LTF: variants seen among roughly 807,000 people sequenced by gnomAD.
The protein encoded by LTF is lactotransferrin.
LTF carries 91 observed loss-of-function variants against 87.2 expected under a neutral mutation model. The ratio of observed to expected loss-of-function variants is 1.04; its 90% CI spans 0.88 to 1.24. The LOEUF (loss-of-function observed/expected upper bound fraction) is 1.24. Among genes scored for constraint, LTF ranks in the 50% most tolerant of loss-of-function variants. The pLI, the probability that LTF is intolerant of heterozygous loss-of-function variation, is 0.00. For missense variants in LTF, 901 were observed against 904.3 expected (o/e 1.00, Z 0.05); for synonymous variants, 378 against 356.1 (o/e 1.06, Z -0.69).
At chr3:46,445,468 T>C in intron 11 of LTF, 32 bp from the exon 12 acceptor site, 1 of 1,589,132 alleles carries the variant, frequency 6.3e-7, no homozygotes. Flanking sequence ...AAACAAGTCT[T>C]AACCTCCAGG....
chr3:46,438,949 G>T (rs985333470), intron 15 of LTF, among the ~76,000 whole-genome samples: 1 of 152,070 alleles, frequency 6.6e-6, no homozygotes, highest in Non-Finnish European at 1.5e-5. Flanking sequence ...TGAGTAAAAA[G>T]CACTATACTA....
chr3:46,478,194 G>A (rs1055104627), intron 1 of LTF, among the ~76,000 whole-genome samples: 4 of 151,652 alleles, frequency 2.6e-5, no homozygotes, highest in East Asian at 1.9e-4. Flanking sequence ...CCCTCTTCCC[G>A]CCCCACTGCC....
Position 46,456,367 on chromosome 3 carries a change from C to G in LTF, c.239G>C (p.Gly80Ala), listed in dbSNP as rs757555676. 16 of 1,614,204 alleles carry G rather than the reference C, an allele frequency of 9.9e-6. No homozygotes were observed. The highest frequency in any genetic ancestry group is 1.4e-5 in the Non-Finnish European group (16 of 1,180,022). ...ENRADAVTLDGGFIYEAGLAP... is the reference protein window; with the variant it reads ...ENRADAVTLDAGFIYEAGLAP... Reference sequence around the variant, plus strand: ...CAGGCCTGCCTCGTATATGAAACCACCATCAAGGGTCACAGCATCGGCCCT... The same window carrying G: ...CAGGCCTGCCTCGTATATGAAACCAGCATCAAGGGTCACAGCATCGGCCCT... Residue 80 changes from glycine to alanine, a missense_variant, in exon 3 of 17, where the codon GGT becomes GCT. Transcript: ENST00000231751.
chr3:46,464,846 G>C lies in LTF; in HGVS notation c.22C>G (p.Leu8Val). ...TCACCGAGGGCCCCGAGGAACAGCA[G>C]GACGAGGAAGACAAGTTTCATGTCT... The part of the protein sequence containing the change: MKLVFLV[L>V]LFLGALGLCL... The change falls in exon 1 of 17, where the codon CTG becomes GTG. Residue 8 changes from leucine (L) to valine (V), a missense_variant. Transcript: ENST00000231751. 6.2e-7 allele frequency: 1 copy of C among 1,613,924 alleles called. No homozygotes were observed. The highest frequency in any genetic ancestry group is 8.5e-7 in the Non-Finnish European group (1 of 1,179,978).
At chr3:46,464,319 G>A (rs945503547) in intron 1 of LTF, among the ~76,000 whole-genome samples, 1 of 152,124 alleles carries the variant, frequency 6.6e-6, no homozygotes, top group African/African-American at 2.4e-5. Flanking sequence ...CACGGAAGGT[G>A]TGCGAATGCC....
intron 6 of LTF, 102 bp downstream of exon 6, chr3:46,454,203 T>C (rs1326724634): frequency 4.1e-6 from 4 of 981,974 alleles, no homozygotes; most frequent in African/African-American, 3.2e-5. Flanking sequence ...ATCTTGAAAA[T>C]GGTCTGCCAT....
intron 1 of LTF, among the ~76,000 whole-genome samples, chr3:46,482,802 G>GGAAAGAAAGAAA (rs34589936): frequency 1.1e-4 from 15 of 131,210 alleles, no homozygotes; most frequent in African/African-American, 4.4e-4. Context: ...AAAGAAGGAA[G>GGAAAGAAAGAAA]GAAAGAAAGA....
intron 13 of LTF, among the ~76,000 whole-genome samples, chr3:46,443,240 G>C (rs866738118): frequency 3.9e-5 from 6 of 152,368 alleles, no homozygotes; most frequent in Non-Finnish European, 5.9e-5. Flanking sequence ...GCTGAGGTCA[G>C]ACAGCCCTGG....
At chr3:46,471,623 C>G (rs1275584101) in intron 1 of LTF, among the ~76,000 whole-genome samples, 2 of 152,186 alleles carry the variant, frequency 1.3e-5, no homozygotes, top group Admixed American at 1.3e-4. Context: ...TAAAGGTACA[C>G]GGAGAAAGGA....
intron 14 of LTF, among the ~76,000 whole-genome samples, chr3:46,439,836 G>A (rs1286858251): frequency 6.6e-6 from 1 of 152,074 alleles, no homozygotes. Context: ...CAGCCCTTTG[G>A]AGGCCAAGGT....
intron 14 of LTF, among the ~76,000 whole-genome samples, chr3:46,440,854 G>A (rs148555097): frequency 1.5e-3 from 229 of 152,320 alleles, no homozygotes; most frequent in African/African-American, 5.5e-3. Context: ...AAATGGCTGA[G>A]GACCAGGAGA....
chr3:46,454,133 G>C (rs1702866611), intron 6 of LTF, 172 bp downstream of exon 6: 2 of 671,950 alleles, frequency 3.0e-6, no homozygotes, highest in Non-Finnish European at 5.3e-6. Context: ...CAGGAGGTTT[G>C]AAGAAAACTG....
At chr3:46,475,836 T>TG (rs2106923405) in intron 1 of LTF, among the ~76,000 whole-genome samples, 1 of 152,350 alleles carries the variant, frequency 6.6e-6, no homozygotes, top group South Asian at 2.1e-4. Context: ...CTTATGCCTC[T>TG]GCTCAACCCC....
At chr3:46,472,927 G>A (rs1460999743) in intron 1 of LTF, among the ~76,000 whole-genome samples, 3 of 152,084 alleles carry the variant, frequency 2.0e-5, no homozygotes, top group Non-Finnish European at 4.4e-5. Flanking sequence ...ATCTGGCAAG[G>A]CGGGGGCCAG....
chr3:46,482,339 G>A (rs1477300266), intron 1 of LTF, among the ~76,000 whole-genome samples: 1 of 151,630 alleles, frequency 6.6e-6, no homozygotes, highest in Non-Finnish European at 1.5e-5. Flanking sequence ...GCTTGGTGGC[G>A]AGCACCTGTA....
rs1008461786 is a variant in LTF at position 46,445,282 on chromosome 3, A to T, written c.1512T>A (p.Phe504Leu). The T allele has an allele frequency of 1.9e-6, 3 of 1,606,770 alleles. No individual in the cohort carries two copies. Among genetic ancestry groups the T allele is most frequent in the East Asian group, 4.5e-5 (2 of 44,432 alleles). The change falls in exon 12 of 17, where the codon TTT becomes TTA. Residue 504 changes from phenylalanine (F) to leucine (L), a missense_variant and splice_region_variant. Phe to Leu is a conservative substitution (Grantham distance 22). Transcript: ENST00000231751. ...LLFNQTGSCK[F>L]DEYFSQSCAP... Reference sequence around the variant, plus strand: ...CACCGCACCTTTGGAACTCCTTACCAAATTTGCAGGAGCCCGTCTGGTTGA... The same window carrying T: ...CACCGCACCTTTGGAACTCCTTACCTAATTTGCAGGAGCCCGTCTGGTTGA...
chr3:46,458,864 G>T (rs112283880), intron 2 of LTF, among the ~76,000 whole-genome samples: 3 of 152,140 alleles, frequency 2.0e-5, no homozygotes, highest in Admixed American at 6.5e-5. Flanking sequence ...GTGAGCCACC[G>T]CGCCCAGCCA....
chr3:46,482,338 C>T (rs886194741), intron 1 of LTF, among the ~76,000 whole-genome samples: 3 of 151,596 alleles, frequency 2.0e-5, no homozygotes, highest in Non-Finnish European at 2.9e-5. Context: ...GGCTTGGTGG[C>T]GAGCACCTGT....
rs564177995 is a variant in LTF, at chr3:46,436,072, C to T, written c.*123G>A. The stretch of plus-strand genomic sequence containing the variant: ...TAAGACGACAGCAGGGAATTGTAAG[C>T]AGATGGATGGGCAATCCCCACCTTC... On this transcript the variant is annotated 3_prime_UTR_variant, in exon 17 of 17. Coordinates refer to ENST00000231751, the MANE Select transcript of LTF (RefSeq NM_002343.6). 2.6e-5 allele frequency: 23 copies of T among 870,028 alleles called. 1 individual carries two copies. The South Asian group carries it at 2.8e-4, about 11-fold the overall frequency. The allele number at this position is 870,028 out of a possible 1,614,324, so 53.9% of individuals were successfully genotyped here. A position where few individuals can be genotyped will look rare whatever the true frequency, so the allele number is the denominator to read the frequency against.
Sources: gnomAD v4.1 joint callset for allele counts (sites outside exome capture counted in the v4.1 genomes callset) on GRCh38, gnomAD v4.1.1 for gene constraint, MANE v1.5 for transcripts, NCBI Gene and HGNC (gene_info 2026-07-23, HGNC 2026-07-21) for gene names.